Variants in SYT16 observed in about 807,000 individuals in gnomAD.
SYT16 encodes the protein synaptotagmin-16.
In SYT16, 42 loss-of-function variants were observed where a neutral mutation model predicts 61.4. That is an observed-to-expected ratio of 0.68 (90% CI 0.53 to 0.89). SYT16 has a LOEUF of 0.89. Ranked by LOEUF, SYT16 falls within the 40% of genes least tolerant of loss-of-function variation. The probability of loss-of-function intolerance (pLI) is 0.00; values close to 1 mark genes in which losing one functional copy is unlikely to be tolerated. For synonymous variants in SYT16, 314 were observed against 302.3 expected (o/e 1.04, Z -0.40); for missense variants, 804 against 807.3 (o/e 1.00, Z 0.05).
rs1233473446 is a variant in SYT16, at chr14:62,011,872, T to TACACACACACAC, written c.523+15331_523+15332insCACACACACACA. Among the ~76,000 whole-genome samples, 740 of 135,914 alleles carry TACACACACACAC rather than the reference T, an allele frequency of 5.4e-3. 15 individuals carry two copies. The highest frequency in any genetic ancestry group is 0.021 in the African/African-American group (679 of 32,106). The allele number at this position is 135,914 out of a possible 152,430, so 89.2% of individuals were successfully genotyped here. A position where few individuals can be genotyped will look rare whatever the true frequency, so the allele number is the denominator to read the frequency against. ...CTACCACAAGTCAGGGAACACTATA[T>TACACACACACAC]ATACACACACACACACACACACACA... On this transcript the variant is annotated intron_variant, in intron 3 of 7. Transcript: ENST00000683842.
rs371210593 is a variant in SYT16, at chr14:61,945,898, T to C, written c.-324-24234T>C. Among the ~76,000 whole-genome samples the C allele has an allele frequency of 1.9e-4, 27 of 144,426 alleles. No homozygotes were observed. The East Asian group carries it at 5.5e-3, about 29-fold the overall frequency. The allele number at this position is 144,426 out of a possible 152,430, so 94.7% of individuals were successfully genotyped here. ...AAAAAAAAAAAAAAGGATGAGTTAA[T>C]GTCCTCTGCAGGGACATGGATGAAA... On this transcript the variant is annotated intron_variant, in intron 1 of 7. Coordinates refer to ENST00000683842, the MANE Select transcript of SYT16 (RefSeq NM_001367656.1).
intron 4 of SYT16, among the ~76,000 whole-genome samples, chr14:62,071,249 A>G (rs564460019): frequency 3.0e-4 from 46 of 152,314 alleles, no homozygotes; most frequent in Non-Finnish European, 2.6e-4. Flanking sequence ...ATGTTAGCTA[A>G]TGAAAGTTAA....
intron 1 of SYT16, among the ~76,000 whole-genome samples, chr14:61,818,113 A>G (rs1488706800): frequency 2.6e-5 from 4 of 152,204 alleles, no homozygotes; most frequent in Non-Finnish European, 4.4e-5. Context: ...TGAAGTGATA[A>G]TGTTAACAAA....
At chr14:62,083,491 C>T (rs1000421310) in intron 6 of SYT16, among the ~76,000 whole-genome samples, 2 of 152,112 alleles carry the variant, frequency 1.3e-5, no homozygotes, top group African/African-American at 4.8e-5. Flanking sequence ...TCAGGAGAAG[C>T]GTGCCCATGA....
intron 3 of SYT16, among the ~76,000 whole-genome samples, chr14:62,017,569 T>C (rs1243883435): frequency 6.6e-6 from 1 of 152,222 alleles, no homozygotes; most frequent in Non-Finnish European, 1.5e-5. Context: ...TTTAAAAATC[T>C]TGGAGTTATT....
intron 1 of SYT16, among the ~76,000 whole-genome samples, chr14:61,847,465 C>A (rs1340027651): frequency 6.6e-6 from 1 of 152,130 alleles, no homozygotes; most frequent in Non-Finnish European, 1.5e-5. Context: ...TTTCTTTTCT[C>A]TTGCTGCTTT....
chr14:62,083,336 G>A (rs1371796024), intron 6 of SYT16, among the ~76,000 whole-genome samples: 1 of 152,204 alleles, frequency 6.6e-6, no homozygotes, highest in East Asian at 1.9e-4. Context: ...GTTTCTGGTG[G>A]AGGAGATGGT....
chr14:62,042,520 T>G (rs145494155), intron 3 of SYT16, among the ~76,000 whole-genome samples: 3 of 152,184 alleles, frequency 2.0e-5, no homozygotes, highest in Non-Finnish European at 2.9e-5. Flanking sequence ...TTCTGAAGAG[T>G]TTACCCTGTG....
chr14:61,892,843 G>T (rs898150873), intron 1 of SYT16, among the ~76,000 whole-genome samples: 2 of 152,178 alleles, frequency 1.3e-5, no homozygotes, highest in Non-Finnish European at 2.9e-5. Flanking sequence ...CATTGGCCAG[G>T]CTTGGTTGGT....
chr14:62,071,778 G>T (rs1391403921), intron 4 of SYT16, among the ~76,000 whole-genome samples: 1 of 152,096 alleles, frequency 6.6e-6, no homozygotes, highest in African/African-American at 2.4e-5. Flanking sequence ...AAATTTAGTT[G>T]TAGAAACAGT....
chr14:61,900,730 G>T (rs1296784361), intron 1 of SYT16, among the ~76,000 whole-genome samples: 1 of 152,176 alleles, frequency 6.6e-6, no homozygotes, highest in Non-Finnish European at 1.5e-5. Context: ...GCCTTGCATG[G>T]TGTTTTCATC....
At chr14:62,079,252 A>G in intron 5 of SYT16, 1 of 599,206 alleles carries the variant, frequency 1.7e-6, no homozygotes, top group Non-Finnish European at 2.3e-6. Context: ...GTACCTCTGA[A>G]TAGAAACACT....
chr14:61,817,291 G>A (rs1188779454), intron 1 of SYT16, among the ~76,000 whole-genome samples: 6 of 151,740 alleles, frequency 4.0e-5, no homozygotes, highest in East Asian at 3.9e-4. Context: ...GGTGACAGGC[G>A]CCTGTAATCC....
intron 7 of SYT16, among the ~76,000 whole-genome samples, chr14:62,086,923 A>G (rs149708582): frequency 6.6e-6 from 1 of 152,356 alleles, no homozygotes; most frequent in African/African-American, 2.4e-5. Context: ...AGTGAAGACA[A>G]AAGTTTTTTG....
rs1027303155 is a variant in SYT16 at position 61,861,455 on chromosome 14, C to G, written c.-325+48645C>G. Among the ~76,000 whole-genome samples the G allele has an allele frequency of 4.6e-5, 7 of 152,322 alleles. No homozygotes were observed. The East Asian group carries it at 1.4e-3, about 29-fold the overall frequency. On this transcript the variant is annotated intron_variant, in intron 1 of 7. Coordinates refer to ENST00000683842, the MANE Select transcript of SYT16 (RefSeq NM_001367656.1). ...CGAGACAGGGTCTCCCTCTGTTGCC[C>G]AGGCTGGAGTGCAGTGCAAACATGA... is the stretch of plus-strand genomic sequence containing the variant.
chr14:62,001,275 T>A (rs1379835693), intron 3 of SYT16, among the ~76,000 whole-genome samples: 1 of 152,138 alleles, frequency 6.6e-6, no homozygotes, highest in Non-Finnish European at 1.5e-5. Context: ...CATTTTAACA[T>A]TTCTTATACT....
At chr14:61,985,228 C>A (rs1251944391) in intron 2 of SYT16, among the ~76,000 whole-genome samples, 5 of 152,088 alleles carry the variant, frequency 3.3e-5, no homozygotes, top group African/African-American at 4.8e-5. Context: ...ATTTTACTAC[C>A]TGTTTAGTTT....
At chr14:61,927,245 A>G (rs567460283) in intron 1 of SYT16, among the ~76,000 whole-genome samples, 2 of 152,362 alleles carry the variant, frequency 1.3e-5, no homozygotes, top group African/African-American at 4.8e-5. Flanking sequence ...TATTCAGTGA[A>G]AAAATGAGTG....
intron 1 of SYT16, among the ~76,000 whole-genome samples, chr14:61,838,213 G>C (rs1294475423): frequency 6.6e-6 from 1 of 152,096 alleles, no homozygotes. Context: ...TTAACTACCT[G>C]ACTGGTGGGA....
Sources: allele counts gnomAD v4.1 joint callset (sites outside exome capture counted in the v4.1 genomes callset), GRCh38; gene constraint gnomAD v4.1.1; transcripts MANE v1.5; gene names NCBI Gene and HGNC (gene_info 2026-07-23, HGNC 2026-07-21).